Variants in BCL9L observed in about 807,000 individuals in gnomAD.
BCL9L encodes B-cell CLL/lymphoma 9-like protein.
A neutral mutation model predicts 99.4 loss-of-function variants in BCL9L; 19 were observed. The ratio of observed to expected loss-of-function variants is 0.19; its 90% CI spans 0.13 to 0.28. The LOEUF (loss-of-function observed/expected upper bound fraction) is 0.28, where lower values mean the gene tolerates loss of function less well. Among genes scored for constraint, BCL9L ranks in the 10% least tolerant of loss-of-function variants. The pLI is 1.00. For synonymous variants in BCL9L, 900 were observed against 854.8 expected (o/e 1.05, Z -0.92); for missense variants, 2,023 against 2,101.6 (o/e 0.96, Z 0.73).
chr11:118,911,277 G>A (rs1360511592), intron 2 of BCL9L: 2 of 455,458 alleles, frequency 4.4e-6, no homozygotes, highest in Non-Finnish European at 8.8e-6. Context: ...CCCGGTGACA[G>A]GCCCGGCCAG....
intron 2 of BCL9L, among the ~76,000 whole-genome samples, chr11:118,917,840 A>G (rs912075502): frequency 6.6e-6 from 1 of 152,122 alleles, no homozygotes; most frequent in Non-Finnish European, 1.5e-5. Flanking sequence ...AGGAGGGCAC[A>G]AGGCTAGTCA....
At position 118,901,710 on chromosome 11, in the gene BCL9L, A is replaced by T; in HGVS notation, c.2033T>A (p.Leu678Gln). 1.2e-6 allele frequency: 2 copies of T among 1,613,640 alleles called. No homozygotes were observed. Among genetic ancestry groups the T allele is most frequent in the Non-Finnish European group, 1.7e-6 (2 of 1,179,934 alleles). ...CTTCTCCAGCAGCTGGTGCCGCAGC[A>T]GCTCCTCACGGACCCGGGGAGTCAT... is the stretch of plus-strand genomic sequence containing the variant. ...RFMTPRVREE[L>Q]LRHQLLEKRS... The change falls in exon 8 of 10, where the codon CTG becomes CAG. Residue 678 changes from leucine to glutamine, a missense_variant. Physicochemically the swap from Leu to Gln is moderately radical, Grantham distance 113. Transcript: ENST00000683865. This position sits in a 1 kb window ranked among gnomAD's most constrained non-coding sequence, Gnocchi z 6.6.
At chr11:118,906,860 T>G (rs898935288) in intron 5 of BCL9L, among the ~76,000 whole-genome samples, 1 of 152,100 alleles carries the variant, frequency 6.6e-6, no homozygotes, top group African/African-American at 2.4e-5. Flanking sequence ...CTCAAAAAGA[T>G]GTAAACGTAA....
In BCL9L at chr11:118,922,020, C is replaced by T. The variant is rs919391501; in HGVS notation, c.-130-3141G>A. ...GGCTTTCTTCCTCTCCACAAGGATG[C>T]GGGACCCTCGGGGAGACTGAGGCAG... On this transcript the variant is annotated intron_variant, in intron 1 of 9. Coordinates refer to ENST00000683865, the MANE Select transcript of BCL9L (RefSeq NM_001378213.1). This position sits in a 1 kb window ranked among gnomAD's most constrained non-coding sequence, Gnocchi z 6.2. Among the ~76,000 whole-genome samples the T allele has an allele frequency of 2.0e-5, 3 of 152,126 alleles. No individual in the cohort carries two copies. Among genetic ancestry groups the T allele is most frequent in the Admixed American group, 2.0e-4 (3 of 15,284 alleles).
chr11:118,910,165 C>G (rs1016361205), intron 2 of BCL9L, 150 bp from the exon 3 acceptor site: 273 of 603,612 alleles, frequency 4.5e-4, no homozygotes, highest in Non-Finnish European at 6.1e-4. Context: ...GATGGGGTCT[C>G]GATCCTGGAG....
intron 2 of BCL9L, among the ~76,000 whole-genome samples, chr11:118,912,803 G>C (rs1264754743): frequency 6.6e-6 from 1 of 152,144 alleles, no homozygotes; most frequent in African/African-American, 2.4e-5. Context: ...GAGGGTTCAT[G>C]CTCCTGAGCT....
intron 3 of BCL9L, 27 bp downstream of exon 3, chr11:118,909,887 A>G (rs756952061): frequency 6.2e-7 from 1 of 1,613,018 alleles, no homozygotes; most frequent in Non-Finnish European, 8.5e-7. Context: ...ACACACACAC[A>G]TCCCACCCGC....
In BCL9L at chr11:118,899,978, G is replaced by A. The variant is rs1447406084; in HGVS notation, c.3345C>T (p.Asp1115=). Residue 1115 remains aspartate (D), a synonymous_variant, in exon 9 of 10, where the codon GAC becomes GAT. Coordinates refer to ENST00000683865, the MANE Select transcript of BCL9L (RefSeq NM_001378213.1). The part of the protein sequence containing the change: ...NAIKTIATSD[D]ELLPDRPLLP... ...GCAGGGGCCGGTCGGGCAGCAGCTC[G>A]TCGTCTGAGGTGGCGATGGTCTTGA... The A allele has an allele frequency of 8.7e-6, 14 of 1,613,942 alleles. No homozygotes were observed. Among genetic ancestry groups the A allele is most frequent in the Non-Finnish European group, 1.0e-5 (12 of 1,180,006 alleles).
At chr11:118,919,395 C>T (rs1300823260) in intron 1 of BCL9L, among the ~76,000 whole-genome samples, 3 of 151,804 alleles carry the variant, frequency 2.0e-5, no homozygotes, top group African/African-American at 7.3e-5. Context: ...CTGGCTATAG[C>T]CCTGGTTCCC....
In BCL9L at chr11:118,914,073, C is replaced by T. The variant is rs1399675692; in HGVS notation, c.-76-4058G>A. On this transcript the variant is annotated intron_variant, in intron 2 of 9. Transcript: ENST00000683865. The surrounding 1 kb of genome is among the most constrained non-coding windows in gnomAD (Gnocchi z 4.4). Reference sequence around the variant, plus strand: ...TGGGGGTAGGAGATGATCCAGGTGCCACTCTCTACCCTATGGAGACTCCCA... The same window carrying T: ...TGGGGGTAGGAGATGATCCAGGTGCTACTCTCTACCCTATGGAGACTCCCA... 6.6e-6 allele frequency among the ~76,000 whole-genome samples: 1 copy of T among 152,152 alleles called. No homozygotes were observed. Among genetic ancestry groups the T allele is most frequent in the Admixed American group, 6.5e-5 (1 of 15,274 alleles).
intron 2 of BCL9L, among the ~76,000 whole-genome samples, chr11:118,916,233 C>G (rs1035841589): frequency 4.3e-4 from 65 of 152,316 alleles, no homozygotes; most frequent in Admixed American, 3.6e-3. Context: ...CAGCCCACCC[C>G]TCTTGGTACC....
chr11:118,906,342 T>C (rs987285892), intron 5 of BCL9L, among the ~76,000 whole-genome samples: 2 of 152,162 alleles, frequency 1.3e-5, no homozygotes, highest in African/African-American at 4.8e-5. Flanking sequence ...GCCAGAGGCT[T>C]GGCGACCACC....
chr11:118,904,042 A>G (rs909483189), intron 5 of BCL9L, among the ~76,000 whole-genome samples: 1 of 152,234 alleles, frequency 6.6e-6, no homozygotes, highest in South Asian at 2.1e-4. Context: ...TTCTTCATCT[A>G]TAAAATGTAA....
At chr11:118,907,839 C>T (rs1940592819) in intron 4 of BCL9L, among the ~76,000 whole-genome samples, 1 of 152,366 alleles carries the variant, frequency 6.6e-6, no homozygotes, top group African/African-American at 2.4e-5. Flanking sequence ...GCATAATCCC[C>T]AACCACAACT....
chr11:118,908,748 T>G (rs2137723432), intron 3 of BCL9L, 93 bp from the exon 4 acceptor site: 265 of 872,014 alleles, frequency 3.0e-4, no homozygotes, highest in East Asian at 4.0e-4. Flanking sequence ...CCCCTAACAA[T>G]GGGGGAGGGT....
rs556993141 is a variant in BCL9L at position 118,925,337 on chromosome 11, A to C, written c.-230T>G. 1 of 152,384 alleles carries C rather than the reference A, an allele frequency of 6.6e-6. No homozygotes were observed. The highest frequency in any genetic ancestry group is 2.1e-4 in the South Asian group (1 of 4,830). 9.4% of individuals were successfully genotyped at this position (152,384 alleles called of 1,614,324 possible). A position where few individuals can be genotyped will look rare whatever the true frequency, so the allele number is the denominator to read the frequency against. On this transcript the variant is annotated 5_prime_UTR_variant, in exon 1 of 10. Coordinates refer to ENST00000683865, the MANE Select transcript of BCL9L (RefSeq NM_001378213.1). The surrounding 1 kb of genome is among the most constrained non-coding windows in gnomAD (Gnocchi z 6.4). ...GGGGGTCCTCCTGCTCGCCAGTTGG[A>C]GATGCAGAGGGGGCGGGCAGGCGGT...
At chr11:118,905,340 C>G (rs1011576212) in intron 5 of BCL9L, among the ~76,000 whole-genome samples, 2 of 152,088 alleles carry the variant, frequency 1.3e-5, no homozygotes, top group African/African-American at 4.8e-5. Context: ...GAAACTCCAT[C>G]TCTACTAAAA....
chr11:118,901,810 G>A lies in BCL9L; in HGVS notation c.1933C>T (p.Pro645Ser). ...PGMGWTEDLPPMGGPSNFAQN... is the reference protein window; with the variant it reads ...PGMGWTEDLPSMGGPSNFAQN... The stretch of plus-strand genomic sequence containing the variant: ...GCAAAATTGCTGGGTCCCCCCATAG[G>A]GGGCAAGTCTTCGGTCCAGCCCATG... The change falls in exon 8 of 10, where the codon CCT becomes TCT. Residue 645 changes from proline (P) to serine (S), a missense_variant. Pro to Ser is a moderately conservative substitution (Grantham distance 74). Coordinates refer to ENST00000683865, the MANE Select transcript of BCL9L (RefSeq NM_001378213.1). The surrounding 1 kb of genome is among the most constrained non-coding windows in gnomAD (Gnocchi z 6.6). 2 of 1,610,580 alleles carry A rather than the reference G, an allele frequency of 1.2e-6. No homozygotes were observed. The highest frequency in any genetic ancestry group is 1.3e-5 in the African/African-American group (1 of 74,984).
rs961371973 is a variant in BCL9L at position 118,914,559 on chromosome 11, C to T, written c.-77+4267G>A. Among the ~76,000 whole-genome samples the T allele has an allele frequency of 2.6e-5, 4 of 152,168 alleles. No individual in the cohort carries two copies. Among genetic ancestry groups the T allele is most frequent in the East Asian group, 3.9e-4 (2 of 5,194 alleles). ...GTCATGACCCTCCAGGATGCAGGGG[C>T]ACGTGGGCCAGGCCGGGAGGGGTGG... On this transcript the variant is annotated intron_variant, in intron 2 of 9. Transcript: ENST00000683865. The surrounding 1 kb of genome is among the most constrained non-coding windows in gnomAD (Gnocchi z 4.4).
Sources: gnomAD v4.1 joint callset for allele counts (sites outside exome capture counted in the v4.1 genomes callset) on GRCh38, gnomAD v4.1.1 for gene constraint, Gnocchi (gnomAD v3.1) non-coding constraint, MANE v1.5 for transcripts, NCBI Gene and HGNC (gene_info 2026-07-23, HGNC 2026-07-21) for gene names.